SCN7A: variants seen among roughly 807,000 people sequenced by gnomAD.
SCN7A encodes sodium voltage-gated channel alpha subunit 7.
SCN7A carries 138 observed loss-of-function variants against 155.2 expected under a neutral mutation model. The ratio of observed to expected loss-of-function variants is 0.89; its 90% CI spans 0.77 to 1.02. SCN7A has a LOEUF of 1.02. Ranked by LOEUF, SCN7A falls within the 50% of genes least tolerant of loss-of-function variation. SCN7A has a pLI of 0.00. For missense variants in SCN7A, 2,058 were observed against 1,986.6 expected, an observed-to-expected ratio of 1.04 and a Z score of -0.68; for synonymous variants, 693 against 649.0, an observed-to-expected ratio of 1.07 and a Z score of -1.03.
At position 166,437,640 on chromosome 2, in the gene SCN7A, G is replaced by A. The variant is rs556794553; in HGVS notation, c.2157+3756C>T. ...CCGGCCTGTGAAGGCAGCTGGGATC[G>A]GGGCTGTACCCTACAAAGACACAGG... On this transcript the variant is annotated intron_variant, in intron 15 of 25. Coordinates refer to ENST00000643258, the MANE Select transcript of SCN7A (RefSeq NM_002976.4). 1.6e-4 allele frequency among the ~76,000 whole-genome samples: 25 copies of A among 152,268 alleles called. No homozygotes were observed. The South Asian group carries it at 1.9e-3, about 11-fold the overall frequency.
chr2:166,413,663 T>C (rs1701250776), intron 21 of SCN7A, among the ~76,000 whole-genome samples: 1 of 151,892 alleles, frequency 6.6e-6, no homozygotes, highest in Non-Finnish European at 1.5e-5. Context: ...CCAAAGGAGA[T>C]TAACATTTGA....
intron 15 of SCN7A, among the ~76,000 whole-genome samples, chr2:166,435,838 AGTCAG>A (rs1398222840): frequency 6.6e-6 from 1 of 152,072 alleles, no homozygotes; most frequent in East Asian, 1.9e-4. Context: ...TTATGTAACC[AGTCAG>A]GTACTATATT....
chr2:166,414,483 A>C (rs1249248216), intron 21 of SCN7A: 4 of 136,930 alleles, frequency 2.9e-5, no homozygotes, highest in African/African-American at 1.1e-4. Flanking sequence ...ATATATATAT[A>C]TATCTCCTAT....
chr2:166,450,577 A>C (rs1702156636), intron 11 of SCN7A, among the ~76,000 whole-genome samples: 1 of 152,142 alleles, frequency 6.6e-6, no homozygotes, highest in Non-Finnish European at 1.5e-5. Flanking sequence ...CGAGGCGAGC[A>C]GATCACGAGG....
At chr2:166,409,525 A>G (rs1701149659) in intron 25 of SCN7A, 140 bp downstream of exon 25, 1 of 614,728 alleles carries the variant, frequency 1.6e-6, no homozygotes, top group African/African-American at 1.9e-5. Context: ...GAAAATAAAA[A>G]AAGATCTCTA....
rs1244616448 is a variant in SCN7A at position 166,404,259 on chromosome 2, T to G, written c.*1321A>C. On this transcript the variant is annotated 3_prime_UTR_variant, in exon 26 of 26. Transcript: ENST00000643258. ...CTCAAACTACATAGAAGTAAATGAC[T>G]ATATTTGTATGAATAAGTCTAAGGA... 1.3e-5 allele frequency: 2 copies of G among 151,986 alleles called. No homozygotes were observed. Among genetic ancestry groups the G allele is most frequent in the Non-Finnish European group, 2.9e-5 (2 of 67,942 alleles). 9.4% of individuals were successfully genotyped at this position (151,986 alleles called of 1,614,324 possible).
chr2:166,409,484 C>T (rs1574997717), intron 25 of SCN7A, among the ~76,000 whole-genome samples, 181 bp downstream of exon 25: 1 of 151,912 alleles, frequency 6.6e-6, no homozygotes, highest in Non-Finnish European at 1.5e-5. Flanking sequence ...GGGTGGTACA[C>T]ATATGAATAC....
At chr2:166,474,905 T>C (rs1277358737) in intron 3 of SCN7A, among the ~76,000 whole-genome samples, 1 of 151,108 alleles carries the variant, frequency 6.6e-6, no homozygotes, top group Non-Finnish European at 1.5e-5. Context: ...ACCTAATACA[T>C]TGAGATATTA....
chr2:166,444,831 T>A lies in SCN7A; in HGVS notation c.1557A>T (p.Val519=). ...LFLIICIILN[V]CFLTLEHYPM... is the part of the protein sequence containing the mutation. ...GATAATGCTCCAAGGTCAGAAAACA[T>A]ACGTTTAAAATTATGCATATGATAA... Residue 519 remains valine (V), a synonymous_variant, in exon 13 of 26, where the codon GTA becomes GTT. Transcript: ENST00000643258. 6.2e-7 allele frequency: 1 copy of A among 1,611,058 alleles called. No individual in the cohort carries two copies. Among genetic ancestry groups the A allele is most frequent in the East Asian group, 2.2e-5 (1 of 44,774 alleles).
intron 7 of SCN7A, among the ~76,000 whole-genome samples, chr2:166,468,969 T>A (rs574406418): frequency 3.3e-5 from 5 of 151,498 alleles, no homozygotes; most frequent in Admixed American, 6.6e-5. Context: ...TTTACATTTA[T>A]AACATTTTAC....
rs1701225076 is a variant in SCN7A, at chr2:166,412,574, G to C, written c.3562C>G (p.Leu1188Val). ...AAATTATCAATAATAACAGTAATCA[G>C]CATACTCAGAGGGAGAAATACTCCA... Reference protein sequence around the residue: ...IFGVFLPLSMLITVIIDNFNK... With the variant: ...IFGVFLPLSMVITVIIDNFNK... Residue 1188 changes from leucine to valine, a missense_variant, in exon 23 of 26, where the codon CTG (leucine) becomes GTG (valine). Physicochemically the swap from Leu to Val is conservative, Grantham distance 32. Coordinates refer to ENST00000643258, the MANE Select transcript of SCN7A (RefSeq NM_002976.4). 1 of 1,510,626 alleles carries C rather than the reference G, an allele frequency of 6.6e-7. No individual in the cohort carries two copies. The highest frequency in any genetic ancestry group is 8.8e-7 in the Non-Finnish European group (1 of 1,132,206). 93.6% of individuals were successfully genotyped at this position (1,510,626 alleles called of 1,614,324 possible). A position where few individuals can be genotyped will look rare whatever the true frequency, so the allele number is the denominator to read the frequency against.
intron 15 of SCN7A, among the ~76,000 whole-genome samples, chr2:166,439,505 T>C (rs1043346185): frequency 3.3e-5 from 5 of 151,332 alleles, no homozygotes; most frequent in Admixed American, 6.6e-5. Flanking sequence ...AAAAACAGAA[T>C]TGAGATCTAC....
intron 7 of SCN7A, among the ~76,000 whole-genome samples, chr2:166,468,113 T>C (rs1010401682): frequency 6.6e-6 from 1 of 152,214 alleles, no homozygotes; most frequent in Middle Eastern, 3.4e-3. Flanking sequence ...AAAATAACTG[T>C]ATTTATTTTC....
intron 10 of SCN7A, among the ~76,000 whole-genome samples, chr2:166,461,202 A>C (rs1702400768): frequency 6.6e-6 from 1 of 151,866 alleles, no homozygotes; most frequent in African/African-American, 2.4e-5. Context: ...CCATATATAC[A>C]CATATATTGC....
At chr2:166,424,479 A>G (rs1379048352) in intron 18 of SCN7A, among the ~76,000 whole-genome samples, 1 of 152,068 alleles carries the variant, frequency 6.6e-6, no homozygotes, top group Non-Finnish European at 1.5e-5. Flanking sequence ...TGTAGAAAGG[A>G]GAAGGTCAAG....
chr2:166,478,218 C>G (rs1054112700), intron 2 of SCN7A, among the ~76,000 whole-genome samples: 1 of 151,350 alleles, frequency 6.6e-6, no homozygotes, highest in African/African-American at 2.4e-5. Flanking sequence ...ATATCTCACA[C>G]CAACATGGCA....
At chr2:166,411,875 T>C (rs1243883724) in intron 23 of SCN7A, among the ~76,000 whole-genome samples, 1 of 152,080 alleles carries the variant, frequency 6.6e-6, no homozygotes, top group African/African-American at 2.4e-5. Flanking sequence ...AATTAAACTA[T>C]TCTTTCCTTT....
At chr2:166,464,132 A>AT (rs1349396177) in intron 9 of SCN7A, among the ~76,000 whole-genome samples, 1 of 150,520 alleles carries the variant, frequency 6.6e-6, no homozygotes, top group Non-Finnish European at 1.5e-5. Context: ...ATATACGTAT[A>AT]TATACGAATA....
chr2:166,436,205 G>T, intron 15 of SCN7A: 1 of 202,940 alleles, frequency 4.9e-6, no homozygotes. Flanking sequence ...ATCTTGAATT[G>T]TAGTTCTCAT....
Sources: gnomAD v4.1 joint callset for allele counts (sites outside exome capture counted in the v4.1 genomes callset) on GRCh38, gnomAD v4.1.1 for gene constraint, MANE v1.5 for transcripts, NCBI Gene and HGNC (gene_info 2026-07-23, HGNC 2026-07-21) for gene names.